Variants in LOC112694756 observed in about 807,000 individuals in gnomAD.
the LOC112694756 span, chr16:30,067,221 T>G: frequency 3.1e-6 from 5 of 1,612,210 alleles, no homozygotes; most frequent in Non-Finnish European, 4.2e-6. Context: ...TCCCCTCTGT[T>G]TCCTGTATCC....
the LOC112694756 span, among the ~76,000 whole-genome samples, chr16:30,055,789 C>T: frequency 6.6e-6 from 1 of 151,552 alleles, no homozygotes; most frequent in South Asian, 2.1e-4. Context: ...CTCCTCCCCT[C>T]CCCTCTTCTT....
chr16:30,055,399 T>C, the LOC112694756 span: 2 of 398,930 alleles, frequency 5.0e-6, no homozygotes, highest in Non-Finnish European at 4.4e-6. Flanking sequence ...ATTTTTTTGC[T>C]CAACAACATT....
the LOC112694756 span, chr16:30,066,168 C>T: frequency 6.6e-6 from 1 of 152,368 alleles, no homozygotes; most frequent in African/African-American, 2.4e-5. Context: ...CCATTCTCCC[C>T]CTTTTCTTGC....
At chr16:30,066,207 C>G in the LOC112694756 span, 1 of 152,448 alleles carries the variant, frequency 6.6e-6, no homozygotes, top group African/African-American at 2.4e-5. Context: ...GGATTAGGGC[C>G]CCTTAGCCCT....
At chr16:30,064,705 G>A in the LOC112694756 span, 5 of 377,424 alleles carry the variant, frequency 1.3e-5, 1 homozygote, top group Admixed American at 1.4e-4. Context: ...GCGGGCAGGA[G>A]CTGCCTTATA....
the LOC112694756 span, chr16:30,069,188 C>A: frequency 7.3e-7 from 1 of 1,370,462 alleles, no homozygotes; most frequent in Non-Finnish European, 1.0e-6. Context: ...AATCTGAGGG[C>A]TTTGAAGCCT....
the LOC112694756 span, chr16:30,053,450 C>T: frequency 1.3e-5 from 2 of 152,884 alleles, no homozygotes; most frequent in East Asian, 3.8e-4. Context: ...AGACCCAGAA[C>T]CTTCCTTCTG....
the LOC112694756 span, chr16:30,067,653 G>A: frequency 6.2e-7 from 1 of 1,614,152 alleles, no homozygotes; most frequent in Non-Finnish European, 8.5e-7. Flanking sequence ...CGGTGTTGTG[G>A]GCATCAAGGT....
At chr16:30,066,484 C>G in the LOC112694756 span, among the ~76,000 whole-genome samples, 1 of 152,240 alleles carries the variant, frequency 6.6e-6, no homozygotes, top group Non-Finnish European at 1.5e-5. Flanking sequence ...ACGTTCTTGC[C>G]CCGTAGGAAC....
the LOC112694756 span, chr16:30,069,775 G>C: frequency 6.2e-7 from 1 of 1,612,766 alleles, no homozygotes; most frequent in South Asian, 1.1e-5. Context: ...ACCAGCTCCT[G>C]CCAGCTTCCT....
chr16:30,070,003 CAGG>C, the LOC112694756 span: 2 of 1,613,796 alleles, frequency 1.2e-6, no homozygotes, highest in Non-Finnish European at 1.7e-6. Context: ...GAAGGCTGCG[CAGG>C]AGGAGTATGT....
chr16:30,055,425 T>A, the LOC112694756 span: 1 of 398,522 alleles, frequency 2.5e-6, no homozygotes. Context: ...CTGAGCACCT[T>A]CTCAAGGCCA....
the LOC112694756 span, among the ~76,000 whole-genome samples, chr16:30,055,515 GAAGAA>G: frequency 1.3e-5 from 2 of 152,202 alleles, no homozygotes; most frequent in African/African-American, 4.8e-5. Flanking sequence ...AAAGCTACTT[GAAGAA>G]AATAAAATAG....
At chr16:30,067,643 C>T in the LOC112694756 span, 8 of 1,613,930 alleles carry the variant, frequency 5.0e-6, no homozygotes, top group East Asian at 4.5e-5. Context: ...AATCCAAGGG[C>T]GGTGTTGTGG....
the LOC112694756 span, chr16:30,067,551 C>G: frequency 1.2e-6 from 2 of 1,613,974 alleles, no homozygotes; most frequent in Non-Finnish European, 8.5e-7. Context: ...CCGCGTGAAC[C>G]CCTGCATTGG....
chr16:30,054,806 C>T, the LOC112694756 span: 3 of 399,356 alleles, frequency 7.5e-6, no homozygotes, highest in Non-Finnish European at 8.8e-6. Context: ...CCGTGGAATC[C>T]AACCCCGGCT....
the LOC112694756 span, chr16:30,063,848 C>A: frequency 1.0e-5 from 4 of 399,298 alleles, no homozygotes; most frequent in Non-Finnish European, 1.8e-5. Context: ...GATGAGGACC[C>A]AGGGCCCCTG....
chr16:30,058,791 T>G, the LOC112694756 span: 8 of 379,924 alleles, frequency 2.1e-5, no homozygotes, highest in Middle Eastern at 6.6e-4. Context: ...CTGCTCTGCT[T>G]CTTTCATGTG....
chr16:30,070,020 G>A, the LOC112694756 span: 3 of 1,613,786 alleles, frequency 1.9e-6, no homozygotes, highest in Admixed American at 5.0e-5. Flanking sequence ...AGTATGTCAA[G>A]CGAGCCCTGG....
Sources: allele counts gnomAD v4.1 joint callset (sites outside exome capture counted in the v4.1 genomes callset), GRCh38; gene constraint gnomAD v4.1.1; transcripts MANE v1.5.